Variants in ADAMTS17 observed in about 807,000 individuals in gnomAD.
ADAMTS17 encodes ADAM metallopeptidase with thrombospondin type 1 motif 17, also known as A disintegrin and metalloproteinase with thrombospondin motifs 17.
A neutral mutation model predicts 141.5 loss-of-function variants in ADAMTS17; 113 were observed. The observed-to-expected ratio is 0.80, with a 90% confidence interval of 0.69 to 0.93. The LOEUF (loss-of-function observed/expected upper bound fraction) is 0.93. ADAMTS17 is among the 40% of genes least tolerant of loss of function. The probability of loss-of-function intolerance (pLI) is 0.00; values close to 1 mark genes in which losing one functional copy is unlikely to be tolerated. For missense variants in ADAMTS17, 1,659 were observed against 1,517.9 expected, an observed-to-expected ratio of 1.09 and a Z score of -1.54; for synonymous variants, 768 against 630.6, an observed-to-expected ratio of 1.22 and a Z score of -3.27.
At chr15:100,298,619 T>G (rs7177499) in intron 3 of ADAMTS17, among the ~76,000 whole-genome samples, 84,341 of 151,782 alleles carry the variant, frequency 0.56, 24,368 homozygotes, top group African/African-American at 0.69. Flanking sequence ...GAAAGGGAAA[T>G]CATATACATT....
chr15:100,052,844 G>A (rs1331487338), intron 16 of ADAMTS17, among the ~76,000 whole-genome samples: 1 of 152,176 alleles, frequency 6.6e-6, no homozygotes, highest in Non-Finnish European at 1.5e-5. Context: ...TACATGGTTT[G>A]GTTGCACATG....
intron 12 of ADAMTS17, 109 bp downstream of exon 12, chr15:100,131,898 C>A: frequency 6.5e-7 from 1 of 1,548,900 alleles, no homozygotes; most frequent in Non-Finnish European, 8.8e-7. Context: ...TTTTCCATAT[C>A]TTCTAATGCT....
chr15:100,047,970 C>CT (rs1567085666), intron 18 of ADAMTS17, among the ~76,000 whole-genome samples: 1 of 152,158 alleles, frequency 6.6e-6, no homozygotes, highest in Admixed American at 6.5e-5. Flanking sequence ...GCCTCACCTT[C>CT]TTTTTTTCCT....
At position 100,278,542 on chromosome 15, in the gene ADAMTS17, CAT is replaced by C. The variant is rs10533935; in HGVS notation, c.789+2685_789+2686del. 5.4e-3 allele frequency among the ~76,000 whole-genome samples: 815 copies of C among 152,212 alleles called. 14 individuals are homozygous for C. In the East Asian group the frequency reaches 0.068, roughly 13 times the overall value. On this transcript the variant is annotated intron_variant, in intron 4 of 21. Coordinates refer to ENST00000268070, the MANE Select transcript of ADAMTS17 (RefSeq NM_139057.4). Reference sequence around the variant, plus strand: ...CAGAAGAGCCTGGCATATGAGGAAACATGTGGGTCCAGCGGCTCGACATGAGG... The same window carrying C: ...CAGAAGAGCCTGGCATATGAGGAAACGTGGGTCCAGCGGCTCGACATGAGG...
chr15:100,175,945 A>C (rs1364102194), intron 8 of ADAMTS17, among the ~76,000 whole-genome samples: 2 of 152,222 alleles, frequency 1.3e-5, no homozygotes, highest in Non-Finnish European at 2.9e-5. Context: ...GGACATAAGA[A>C]ATAATGAAAT....
Position 100,341,426 on chromosome 15 carries a change from GAC to G in ADAMTS17, c.80-19_80-18del, listed in dbSNP as rs2141999106. On this transcript the variant is annotated intron_variant, in intron 1 of 21. Coordinates refer to ENST00000268070, the MANE Select transcript of ADAMTS17 (RefSeq NM_139057.4). ...CGCCGACAGCTGCGGGGAGAGAGGA[GAC>G]GCGTCAGCGCGGCGGGGCCCGCCCG... The G allele has an allele frequency of 9.9e-7, 1 of 1,014,572 alleles. No homozygotes were observed. The highest frequency in any genetic ancestry group is 9.5e-5 in the East Asian group (1 of 10,486). 62.8% of individuals were successfully genotyped at this position (1,014,572 alleles called of 1,614,324 possible). A position where few individuals can be genotyped will look rare whatever the true frequency, so the allele number is the denominator to read the frequency against.
intron 3 of ADAMTS17, chr15:100,306,416 G>A (rs2045227450): frequency 4.4e-6 from 2 of 453,106 alleles, no homozygotes; most frequent in Non-Finnish European, 8.9e-6. Context: ...CTGCCACCAA[G>A]GTATGGACGC....
At chr15:100,102,172 T>C (rs957041220) in intron 14 of ADAMTS17, among the ~76,000 whole-genome samples, 1 of 152,224 alleles carries the variant, frequency 6.6e-6, no homozygotes, top group East Asian at 1.9e-4. Flanking sequence ...GTCAGTTTTT[T>C]CTGTTTGTTT....
chr15:100,298,185 G>A (rs1285512678), intron 3 of ADAMTS17, among the ~76,000 whole-genome samples: 2 of 152,146 alleles, frequency 1.3e-5, no homozygotes, highest in African/African-American at 4.8e-5. Flanking sequence ...CAGCTAGAAG[G>A]TCCTAGAGTC....
At chr15:100,182,031 A>T (rs2040543106) in intron 8 of ADAMTS17, among the ~76,000 whole-genome samples, 1 of 152,212 alleles carries the variant, frequency 6.6e-6, no homozygotes. Context: ...TAGCTAGGAC[A>T]TCCATGGGTG....
intron 12 of ADAMTS17, among the ~76,000 whole-genome samples, chr15:100,129,946 G>A (rs1215090567): frequency 1.3e-5 from 2 of 152,158 alleles, no homozygotes; most frequent in South Asian, 2.1e-4. Context: ...CTTTCTTCAC[G>A]AGGCCAGAGG....
At chr15:100,340,110 C>G (rs573140363) in intron 2 of ADAMTS17, among the ~76,000 whole-genome samples, 1 of 152,396 alleles carries the variant, frequency 6.6e-6, no homozygotes, top group East Asian at 1.9e-4. Context: ...GCGGTTCATG[C>G]TCTGGGTCCA....
rs537727735 is a variant in ADAMTS17, at chr15:100,114,112, C to T, written c.1888+2735G>A. Among the ~76,000 whole-genome samples the T allele has an allele frequency of 3.5e-4, 53 of 150,986 alleles. No homozygotes were observed. In the Middle Eastern group the frequency reaches 0.01, roughly 29 times the overall value. ...TTTGGAGGTGGGATGGATTTGTGGT[C>T]CTGAATCCTCCCTTGGAAAATCTAC... On this transcript the variant is annotated intron_variant, in intron 13 of 21. Coordinates refer to ENST00000268070, the MANE Select transcript of ADAMTS17 (RefSeq NM_139057.4).
chr15:100,116,735 G>T, intron 13 of ADAMTS17, 112 bp downstream of exon 13: 1 of 1,457,078 alleles, frequency 6.9e-7, no homozygotes, highest in Non-Finnish European at 9.6e-7. Context: ...GGACTGGAGT[G>T]TCTTGCTGGG....
rs1460629970 is a variant in ADAMTS17, at chr15:99,972,277, T to G, written c.*2125A>C. 2 of 152,010 alleles carry G rather than the reference T, an allele frequency of 1.3e-5. No homozygotes were observed. The allele number at this position is 152,010 out of a possible 1,614,324, so 9.4% of individuals were successfully genotyped here. ...AAAAACAACACCGACAACAAAAAGATGAGCTAAAAGAGCTCTGCAGATGCA... is the reference window on the plus strand; with the variant it reads ...AAAAACAACACCGACAACAAAAAGAGGAGCTAAAAGAGCTCTGCAGATGCA... On this transcript the variant is annotated 3_prime_UTR_variant, in exon 22 of 22. Transcript: ENST00000268070.
At chr15:100,229,163 A>C (rs572968219) in intron 7 of ADAMTS17, among the ~76,000 whole-genome samples, 2 of 152,260 alleles carry the variant, frequency 1.3e-5, no homozygotes, top group East Asian at 3.9e-4. Context: ...CACCACTGAC[A>C]CTGCAGGTGC....
rs1321984617 is a variant in ADAMTS17 at position 99,974,314 on chromosome 15, T to G, written c.*88A>C. On this transcript the variant is annotated 3_prime_UTR_variant, in exon 22 of 22. Coordinates refer to ENST00000268070, the MANE Select transcript of ADAMTS17 (RefSeq NM_139057.4). The stretch of plus-strand genomic sequence containing the variant: ...TAGTTGGATTCTTGTGGCAGCCGGG[T>G]GGGGGCGTGGCCACAAGGCTGGTAG... The G allele has an allele frequency of 3.0e-4, 472 of 1,557,874 alleles. No individual in the cohort carries two copies. The highest frequency in any genetic ancestry group is 4.1e-4 in the Middle Eastern group (2 of 4,822).
chr15:100,002,260 C>G (rs1433313786), intron 18 of ADAMTS17, among the ~76,000 whole-genome samples: 1 of 151,994 alleles, frequency 6.6e-6, no homozygotes, highest in Admixed American at 6.6e-5. Flanking sequence ...CTGTTTGGCG[C>G]TATTGTGCTG....
chr15:100,016,054 G>A (rs1400791847), intron 18 of ADAMTS17, among the ~76,000 whole-genome samples: 10 of 152,186 alleles, frequency 6.6e-5, no homozygotes, highest in African/African-American at 1.9e-4. Context: ...TGGAGGCTTT[G>A]TTCATACTTT....
Sources: allele counts gnomAD v4.1 joint callset (sites outside exome capture counted in the v4.1 genomes callset), GRCh38; gene constraint gnomAD v4.1.1; transcripts MANE v1.5; gene names NCBI Gene and HGNC (gene_info 2026-07-23, HGNC 2026-07-21).